Variants in ARHGAP11A observed in about 807,000 individuals in gnomAD.
ARHGAP11A encodes Rho GTPase activating protein 11A.
Under a neutral mutation model 60.5 loss-of-function variants are expected in ARHGAP11A, and 36 were observed. The observed-to-expected ratio is 0.59, with a 90% CI of 0.46 to 0.79. The LOEUF (loss-of-function observed/expected upper bound fraction) is 0.79, where lower values mean the gene tolerates loss of function less well. Among genes scored for constraint, ARHGAP11A ranks in the 30% least tolerant of loss-of-function variants. The pLI is 0.00. For synonymous variants in ARHGAP11A, 362 were observed against 415.5 expected, an observed-to-expected ratio of 0.87 and a Z score of 1.57; for missense variants, 1,071 against 1,199.2, an observed-to-expected ratio of 0.89 and a Z score of 1.58.
chr15:32,634,050 C>T lies in ARHGAP11A; in HGVS notation c.1344+9C>T. On this transcript the variant is annotated intron_variant, in intron 10 of 11. Coordinates refer to ENST00000361627, the MANE Select transcript of ARHGAP11A (RefSeq NM_014783.6). The stretch of plus-strand genomic sequence containing the variant: ...AAAATGGCAGAGAAGTAGTAAGTTT[C>T]TTACCATTTTATTGATCTTTATATT... 1 of 1,568,802 alleles carries T rather than the reference C, an allele frequency of 6.4e-7. No individual in the cohort carries two copies. The highest frequency in any genetic ancestry group is 8.7e-7 in the Non-Finnish European group (1 of 1,151,550).
At position 32,636,305 on chromosome 15, in the gene ARHGAP11A, G is replaced by A. The variant is rs373156350; in HGVS notation, c.1532G>A (p.Arg511Gln). Reference sequence around the variant, plus strand: ...GAGGAAACCTTACTAACTCCAGAGCGACTAGTTGGAACAAATTACCGGATG... The same window carrying A: ...GAGGAAACCTTACTAACTCCAGAGCAACTAGTTGGAACAAATTACCGGATG... ...KSEETLLTPE[R>Q]LVGTNYRMSW... is the part of the protein sequence containing the mutation. The change falls in exon 12 of 12, where the codon CGA (arginine) becomes CAA (glutamine). Residue 511 changes from arginine (R) to glutamine (Q), a missense_variant. Arg to Gln is a conservative substitution (Grantham distance 43, BLOSUM62 1). This residue lies in a region of ARHGAP11A where 776 missense variants were observed against 760.2 expected (regional missense o/e 1.02). Coordinates refer to ENST00000361627, the MANE Select transcript of ARHGAP11A (RefSeq NM_014783.6). The A allele has an allele frequency of 2.2e-5, 35 of 1,612,992 alleles. No individual in the cohort carries two copies. The African/African-American group carries it at 3.9e-4, about 18-fold the overall frequency.
intron 6 of ARHGAP11A, 65 bp downstream of exon 6, chr15:32,625,698 A>G: frequency 6.4e-7 from 1 of 1,561,262 alleles, no homozygotes; most frequent in South Asian, 1.2e-5. Flanking sequence ...CATTTCACAT[A>G]AAGAAGCATG....
Position 32,637,254 on chromosome 15 carries a change from C to G in ARHGAP11A, c.2481C>G (p.Val827=), listed in dbSNP as rs369851075. The change falls in exon 12 of 12, where the codon GTC becomes GTG. Residue 827 remains valine, a synonymous_variant. Transcript: ENST00000361627. Reference sequence around the variant, plus strand: ...TAAATGAACCAAATAGAATAAAAGTCAAGTCACCTCTTAAGTTTCAGCGTA... The same window carrying G: ...TAAATGAACCAAATAGAATAAAAGTGAAGTCACCTCTTAAGTTTCAGCGTA... ...LSLNEPNRIK[V]KSPLKFQRTP... 125 of 1,614,084 alleles carry G rather than the reference C, an allele frequency of 7.7e-5. No individual in the cohort carries two copies. Among genetic ancestry groups the G allele is most frequent in the Non-Finnish European group, 1.0e-4 (120 of 1,180,044 alleles).
chr15:32,629,975 T>TGTG (rs59288058), intron 8 of ARHGAP11A, among the ~76,000 whole-genome samples: 28 of 128,932 alleles, frequency 2.2e-4, no homozygotes, highest in Admixed American at 2.4e-4. Flanking sequence ...TGTGTGTGTG[T>TGTG]TATGACAACA....
At position 32,635,816 on chromosome 15, in the gene ARHGAP11A, T is replaced by C; in HGVS notation, c.1384T>C (p.Trp462Arg). The C allele has an allele frequency of 1.2e-6, 2 of 1,611,060 alleles. No individual in the cohort carries two copies. The highest frequency in any genetic ancestry group is 3.4e-5 in the Admixed American group (2 of 59,114). The change falls in exon 11 of 12, where the codon TGG (tryptophan) becomes CGG (arginine). Residue 462 changes from tryptophan to arginine, a missense_variant. By Grantham distance (101) the Trp-to-Arg change is moderately radical (BLOSUM62 -3). This residue lies in a region of ARHGAP11A where 776 missense variants were observed against 760.2 expected (regional missense o/e 1.02). Coordinates refer to ENST00000361627, the MANE Select transcript of ARHGAP11A (RefSeq NM_014783.6). Reference sequence around the variant, plus strand: ...TGTCAATAGATATGAAAGTGTTGGTTGGCGACTTGCAAATCAACAAAGTTT... The same window carrying C: ...TGTCAATAGATATGAAAGTGTTGGTCGGCGACTTGCAAATCAACAAAGTTT... The part of the protein sequence containing the change: ...SGVNRYESVG[W>R]RLANQQSLKN...
At chr15:32,624,554 T>C (rs1259282101) in intron 4 of ARHGAP11A, 128 bp downstream of exon 4, 8 of 1,439,034 alleles carry the variant, frequency 5.6e-6, no homozygotes, top group Non-Finnish European at 7.4e-6. Flanking sequence ...TTCATTACTA[T>C]GAGGAGTATA....
Position 32,637,800 on chromosome 15 carries a change from C to G in ARHGAP11A, c.3027C>G (p.Ile1009Met). 1 of 1,605,924 alleles carries G rather than the reference C, an allele frequency of 6.2e-7. No homozygotes were observed. Among genetic ancestry groups the G allele is most frequent in the Non-Finnish European group, 8.5e-7 (1 of 1,177,526 alleles). The change falls in exon 12 of 12, where the codon ATC becomes ATG. Residue 1009 changes from isoleucine to methionine, a missense_variant. Transcript: ENST00000361627. ...ACAAAGGTTCTCCAAAACATCCTAT[C>G]GGAAAAACTCAATTACTACCAACAA... ...AWYKGSPKHP[I>M]GKTQLLPTSK...
chr15:32,631,497 A>G (rs886881585), intron 8 of ARHGAP11A, among the ~76,000 whole-genome samples: 1 of 152,058 alleles, frequency 6.6e-6, no homozygotes, highest in Non-Finnish European at 1.5e-5. Flanking sequence ...ACGGGGTTTC[A>G]CCACGTTGGC....
rs746983086 is a variant in ARHGAP11A at position 32,625,080 on chromosome 15, A to T, written c.552A>T (p.Arg184Ser). 1.2e-6 allele frequency: 2 copies of T among 1,613,824 alleles called. No individual in the cohort carries two copies. Among genetic ancestry groups the T allele is most frequent in the South Asian group, 2.2e-5 (2 of 91,062 alleles). ...CTAATAAAGCGTTTATTCACTTAAGATCCAGTGAGAATAAGATGGACAGCA... is the reference window on the plus strand; with the variant it reads ...CTAATAAAGCGTTTATTCACTTAAGTTCCAGTGAGAATAAGATGGACAGCA... ...FFNFLRNVSL[R>S]SSENKMDSSN... Residue 184 changes from arginine to serine, a missense_variant and splice_region_variant, in exon 5 of 12, where the codon AGA (arginine) becomes AGT (serine). By Grantham distance (110) the Arg-to-Ser change is moderately radical. This residue lies in a region of ARHGAP11A where 196 missense variants were observed against 272.1 expected (regional missense o/e 0.72). Transcript: ENST00000361627.
At chr15:32,632,879 A>T (rs1595773300) in intron 8 of ARHGAP11A, 100 bp from the exon 9 acceptor site, 1 of 1,111,686 alleles carries the variant, frequency 9.0e-7, no homozygotes. Context: ...GTTGCTTGGG[A>T]TAGAAATTAA....
chr15:32,620,707 A>G lies in ARHGAP11A; in HGVS notation c.200+529A>G, dbSNP rs570152618. Among the ~76,000 whole-genome samples the G allele has an allele frequency of 1.3e-3, 204 of 152,198 alleles. 1 individual carries two copies. Among genetic ancestry groups the G allele is most frequent in the Middle Eastern group, 6.8e-3 (2 of 294 alleles). On this transcript the variant is annotated intron_variant, in intron 2 of 11. Coordinates refer to ENST00000361627, the MANE Select transcript of ARHGAP11A (RefSeq NM_014783.6). The stretch of plus-strand genomic sequence containing the variant: ...TCAGTTCTATGTGAATTCTTTTGCC[A>G]CAACTCAGATTAAGTAATATACTGA...
chr15:32,617,559 C>A (rs2053187221), intron 1 of ARHGAP11A, among the ~76,000 whole-genome samples: 1 of 149,950 alleles, frequency 6.7e-6, no homozygotes. Context: ...GCAAGCTCTG[C>A]CTCCCGGGTT....
At chr15:32,621,999 T>A (rs1170084262) in intron 2 of ARHGAP11A, among the ~76,000 whole-genome samples, 2 of 152,312 alleles carry the variant, frequency 1.3e-5, no homozygotes, top group Admixed American at 6.5e-5. Context: ...CCTGGTTGCC[T>A]TAGGACAGTT....
Position 32,636,269 on chromosome 15 carries a change from T to G in ARHGAP11A, c.1496T>G (p.Ile499Ser). 6.3e-7 allele frequency: 1 copy of G among 1,598,630 alleles called. No homozygotes were observed. The highest frequency in any genetic ancestry group is 8.5e-7 in the Non-Finnish European group (1 of 1,174,594). Residue 499 changes from isoleucine to serine, a missense_variant, in exon 12 of 12, where the codon ATC becomes AGC. By Grantham distance (142) the Ile-to-Ser change is moderately radical (BLOSUM62 -2). Around this residue, in one of 4 missense-constraint regions of ARHGAP11A, gnomAD observed 776 missense variants for 760.2 expected, o/e 1.02. Transcript: ENST00000361627. Reference protein sequence around the residue: ...EKLPKKGSEKISKSEETLLTP... With the variant: ...EKLPKKGSEKSSKSEETLLTP... ...TGCTTTATTTTAGGTTCAGAAAAGATCAGTAAGTCTGAGGAAACCTTACTA... is the reference window on the plus strand; with the variant it reads ...TGCTTTATTTTAGGTTCAGAAAAGAGCAGTAAGTCTGAGGAAACCTTACTA...
At chr15:32,636,177 A>G in intron 11 of ARHGAP11A, 80 bp from the exon 12 acceptor site, 1 of 1,477,174 alleles carries the variant, frequency 6.8e-7, no homozygotes, top group Non-Finnish European at 9.0e-7. Flanking sequence ...ATGCTTAGTG[A>G]CTTATTTGCC....
chr15:32,618,518 G>C (rs952108253), intron 1 of ARHGAP11A, among the ~76,000 whole-genome samples: 4 of 152,138 alleles, frequency 2.6e-5, no homozygotes, highest in Non-Finnish European at 5.9e-5. Flanking sequence ...CAAGTGTTTT[G>C]TATGTTTTAA....
rs1470387661 is a variant in ARHGAP11A at position 32,629,593 on chromosome 15, A to C, written c.938-2A>C. 1 of 1,591,348 alleles carries C rather than the reference A, an allele frequency of 6.3e-7. No homozygotes were observed. ...GTTGGTTTTGTTTTGATATTTTTTC[A>C]GCCCAGCTATCTGAATCACCAGTGA... is the stretch of plus-strand genomic sequence containing the variant. On this transcript the variant is annotated splice_acceptor_variant, in intron 7 of 11. Transcript: ENST00000361627. LOFTEE classifies it high-confidence loss of function.
Position 32,637,018 on chromosome 15 carries a change from C to G in ARHGAP11A, c.2245C>G (p.Pro749Ala), listed in dbSNP as rs747141868. The G allele has an allele frequency of 3.1e-6, 5 of 1,612,824 alleles. No homozygotes were observed. In the Admixed American group the frequency reaches 5.0e-5, roughly 16 times the overall value. The change falls in exon 12 of 12, where the codon CCG becomes GCG. Residue 749 changes from proline (P) to alanine (A), a missense_variant. Physicochemically the swap from Pro to Ala is conservative, Grantham distance 27. Around this residue, in one of 4 missense-constraint regions of ARHGAP11A, gnomAD observed 776 missense variants for 760.2 expected, o/e 1.02. Transcript: ENST00000361627. ...ENENMMEGNL[P>A]KCAAHSKDEA... is the part of the protein sequence containing the mutation. The stretch of plus-strand genomic sequence containing the variant: ...TGAGAATATGATGGAAGGTAACTTA[C>G]CGAAGTGTGCAGCACATAGCAAGGA...
chr15:32,629,524 T>C, intron 7 of ARHGAP11A, 71 bp from the exon 8 acceptor site: 1 of 1,313,302 alleles, frequency 7.6e-7, no homozygotes, highest in Non-Finnish European at 1.0e-6. Context: ...TAAGAAGAAA[T>C]TATGTAAAGC....
Sources: allele counts gnomAD v4.1 joint callset (sites outside exome capture counted in the v4.1 genomes callset), GRCh38; gene constraint gnomAD v4.1.1; regional missense constraint gnomAD v4.1.1; transcripts MANE v1.5; gene names NCBI Gene and HGNC (gene_info 2026-07-23, HGNC 2026-07-21).